The following APOL4 variants were observed in gnomAD, a reference collection of about 807,000 sequenced individuals.
APOL4 encodes apolipoprotein L4, also known as apolipoprotein L, 4.
In APOL4, 14 loss-of-function variants were observed where a neutral mutation model predicts 12.1. The ratio of observed to expected loss-of-function variants is 1.16; its 90% CI spans 0.76 to 1.81. The LOEUF is 1.81. Ranked by LOEUF, APOL4 falls within the 40% of genes most tolerant of loss-of-function variation. The pLI, the probability that APOL4 is intolerant of heterozygous loss-of-function variation, is 0.00. For missense variants in APOL4, 432 were observed against 423.1 expected, an observed-to-expected ratio of 1.02 and a Z score of -0.18; for synonymous variants, 171 against 160.6, an observed-to-expected ratio of 1.06 and a Z score of -0.49.
At chr22:36,196,337 A>C (rs985806120) in intron 2 of APOL4, among the ~76,000 whole-genome samples, 2 of 152,194 alleles carry the variant, frequency 1.3e-5, no homozygotes, top group Non-Finnish European at 2.9e-5. Flanking sequence ...ATAGACCCTT[A>C]TGTAAATTCC....
At chr22:36,203,902 T>C (rs146282444), upstream of APOL4, among the ~76,000 whole-genome samples, 1 of 152,174 alleles carries the variant, frequency 6.6e-6, no homozygotes, top group Admixed American at 6.5e-5. Context: ...TCCGTAGCAA[T>C]AGTTTCAGGG....
At chr22:36,201,953 G>C (rs1043974329), upstream of APOL4, 2 of 1,613,858 alleles carry the variant, frequency 1.2e-6, no homozygotes, top group Non-Finnish European at 8.5e-7. Context: ...CCCAGACAGG[G>C]AGCCCTCCCT....
Position 36,190,930 on chromosome 22 carries a change from C to G in APOL4, c.*145G>C. On this transcript the variant is annotated 3_prime_UTR_variant, in exon 4 of 4. Coordinates refer to ENST00000683024, the MANE Select transcript of APOL4 (RefSeq NM_001386885.1). ...CTTCACAATTTGTGTTTAGAGATTG[C>G]GGTAAAGACAGGCATAGGAAATTAT... 1 of 711,228 alleles carries G rather than the reference C, an allele frequency of 1.4e-6. No homozygotes were observed. The highest frequency in any genetic ancestry group is 2.0e-5 in the South Asian group (1 of 50,954). 44.1% of individuals were successfully genotyped at this position (711,228 alleles called of 1,614,324 possible). A position where few individuals can be genotyped will look rare whatever the true frequency, so the allele number is the denominator to read the frequency against.
chr22:36,192,263 C>T (rs1357898809), intron 3 of APOL4, among the ~76,000 whole-genome samples: 1 of 152,142 alleles, frequency 6.6e-6, no homozygotes, highest in Non-Finnish European at 1.5e-5. Context: ...TGGCATGAAT[C>T]CAGGAGGTGG....
At chr22:36,200,610 C>A (rs2146948313) in intron 1 of APOL4, among the ~76,000 whole-genome samples, 1 of 152,318 alleles carries the variant, frequency 6.6e-6, no homozygotes, top group East Asian at 1.9e-4. Context: ...AGAACACCCT[C>A]CTTCACGTAA....
At chr22:36,195,486 T>C in intron 2 of APOL4, 49 bp from the exon 3 acceptor site, 1 of 1,594,782 alleles carries the variant, frequency 6.3e-7, no homozygotes, top group Non-Finnish European at 8.5e-7. Flanking sequence ...TGCTACCACA[T>C]AAATGGCATT....
At position 36,190,858 on chromosome 22, in the gene APOL4, G is replaced by T; in HGVS notation, c.*217C>A. Reference sequence around the variant, plus strand: ...GAGATTAAAGTAAAGACAGGCATAAGAAATCACAAGGGTATTGATTGGGGA... The same window carrying T: ...GAGATTAAAGTAAAGACAGGCATAATAAATCACAAGGGTATTGATTGGGGA... On this transcript the variant is annotated 3_prime_UTR_variant, in exon 4 of 4. Transcript: ENST00000683024. 1.8e-6 allele frequency: 1 copy of T among 554,132 alleles called. No individual in the cohort carries two copies. The highest frequency in any genetic ancestry group is 3.2e-6 in the Non-Finnish European group (1 of 312,910). 34.3% of individuals were successfully genotyped at this position (554,132 alleles called of 1,614,324 possible). A position where few individuals can be genotyped will look rare whatever the true frequency, so the allele number is the denominator to read the frequency against.
chr22:36,201,565 G>T lies in APOL4; in HGVS notation c.35+135C>A, dbSNP rs132726. On this transcript the variant is annotated intron_variant, in intron 1 of 3. Transcript: ENST00000683024. ...GGTGACAGGAGAGGGGCATCCCTTC[G>T]CCTTCTTCCTGCTTTGTTCACTGTG... 3.1e-5 allele frequency: 35 copies of T among 1,144,050 alleles called. 3 individuals carry two copies. Among genetic ancestry groups the T allele is most frequent in the Non-Finnish European group, 4.1e-5 (34 of 837,066 alleles). 70.9% of individuals were successfully genotyped at this position (1,144,050 alleles called of 1,614,324 possible). A position where few individuals can be genotyped will look rare whatever the true frequency, so the allele number is the denominator to read the frequency against.
chr22:36,194,792 G>A (rs1232516132), intron 3 of APOL4, among the ~76,000 whole-genome samples: 2 of 152,076 alleles, frequency 1.3e-5, no homozygotes, highest in East Asian at 3.9e-4. Flanking sequence ...TCAGGAAAAG[G>A]GCCCCAGACA....
chr22:36,201,887 T>C, upstream of APOL4: 1 of 1,597,194 alleles, frequency 6.3e-7, no homozygotes, highest in Non-Finnish European at 8.5e-7. Flanking sequence ...TGATTTTGGT[T>C]CCTAGAAAAA....
intron 2 of APOL4, 144 bp downstream of exon 2, chr22:36,199,186 G>A (rs2014496889): frequency 8.7e-7 from 1 of 1,152,816 alleles, no homozygotes. Flanking sequence ...TGGGGCTTGG[G>A]GCAGCCTCAT....
upstream of APOL4, among the ~76,000 whole-genome samples, chr22:36,202,918 T>C (rs2014628996): frequency 6.6e-6 from 1 of 152,138 alleles, no homozygotes; most frequent in South Asian, 2.1e-4. Context: ...AGCCAACATC[T>C]GCCCTTGTGA....
rs531785095 is a variant in APOL4 at position 36,190,931 on chromosome 22, G to A, written c.*144C>T. 4.0e-5 allele frequency: 29 copies of A among 721,176 alleles called. No individual in the cohort carries two copies. The highest frequency in any genetic ancestry group is 4.0e-4 in the Middle Eastern group (1 of 2,526). 44.7% of individuals were successfully genotyped at this position (721,176 alleles called of 1,614,324 possible). Reference sequence around the variant, plus strand: ...TTCACAATTTGTGTTTAGAGATTGCGGTAAAGACAGGCATAGGAAATTATA... The same window carrying A: ...TTCACAATTTGTGTTTAGAGATTGCAGTAAAGACAGGCATAGGAAATTATA... On this transcript the variant is annotated 3_prime_UTR_variant, in exon 4 of 4. Transcript: ENST00000683024.
rs142278916 is a variant in APOL4, at chr22:36,190,733, T to G, written c.*342A>C. ...TGTTCTTTTTTCAAGGTGCCCAGAT[T>G]TCATATTGTTCAAACACACATGCTC... On this transcript the variant is annotated 3_prime_UTR_variant, in exon 4 of 4. Coordinates refer to ENST00000683024, the MANE Select transcript of APOL4 (RefSeq NM_001386885.1). 3.0e-3 allele frequency: 681 copies of G among 225,976 alleles called. No individual in the cohort carries two copies. Among genetic ancestry groups the G allele is most frequent in the Non-Finnish European group, 4.0e-3 (454 of 113,694 alleles). 14.0% of individuals were successfully genotyped at this position (225,976 alleles called of 1,614,324 possible). A position where few individuals can be genotyped will look rare whatever the true frequency, so the allele number is the denominator to read the frequency against.
In APOL4 at chr22:36,190,369, T is replaced by A. The variant is rs2014210471; in HGVS notation, c.*706A>T. ...CACCATTGTCATTGATAACATCTTA[T>A]CAGGAGACAGGGTTTTGAGAGCAAC... On this transcript the variant is annotated 3_prime_UTR_variant, in exon 4 of 4. Transcript: ENST00000683024. 6.6e-6 allele frequency: 1 copy of A among 152,228 alleles called. No homozygotes were observed. Among genetic ancestry groups the A allele is most frequent in the African/African-American group, 2.4e-5 (1 of 41,444 alleles). 9.4% of individuals were successfully genotyped at this position (152,228 alleles called of 1,614,324 possible).
chr22:36,191,378 C>T lies in APOL4; in HGVS notation c.744G>A (p.Arg248=). The part of the protein sequence containing the change: ...KMIANDVHTL[R]RSKATVGRPL... ...GGCGTCCAACAGTGGCTTTAGATCT[C>T]CTGAGTGTATGGACATCATTCGCAA... Residue 248 remains arginine (R), a synonymous_variant, in exon 4 of 4, where the codon AGG becomes AGA. Transcript: ENST00000683024. The T allele has an allele frequency of 3.1e-6, 5 of 1,614,052 alleles. No homozygotes were observed. Among genetic ancestry groups the T allele is most frequent in the Non-Finnish European group, 4.2e-6 (5 of 1,179,902 alleles).
intron 3 of APOL4, among the ~76,000 whole-genome samples, chr22:36,194,258 C>A (rs1211603214): frequency 2.0e-5 from 3 of 152,096 alleles, no homozygotes; most frequent in African/African-American, 7.2e-5. Context: ...ATTTCCCAGG[C>A]ATGGTGTCGG....
chr22:36,199,927 C>T lies in APOL4; in HGVS notation c.36-551G>A, dbSNP rs1399873881. Among the ~76,000 whole-genome samples the T allele has an allele frequency of 2.0e-5, 3 of 152,338 alleles. No individual in the cohort carries two copies. The South Asian group carries it at 6.2e-4, about 32-fold the overall frequency. ...GGTTCACGCCATTCTCTTGCCTCAG[C>T]CTCTCGAGTAGCTGGGACTACAGGT... On this transcript the variant is annotated intron_variant, in intron 1 of 3. Coordinates refer to ENST00000683024, the MANE Select transcript of APOL4 (RefSeq NM_001386885.1).
chr22:36,202,168 G>A (rs1043030504), upstream of APOL4: 77 of 1,421,126 alleles, frequency 5.4e-5, no homozygotes, highest in African/African-American at 3.9e-4. Flanking sequence ...GGGCTTTGAC[G>A]CCATCCTAGC....
Sources: allele counts gnomAD v4.1 joint callset (sites outside exome capture counted in the v4.1 genomes callset), GRCh38; gene constraint gnomAD v4.1.1; transcripts MANE v1.5; gene names NCBI Gene and HGNC (gene_info 2026-07-23, HGNC 2026-07-21).